The following OXCT1 variants were observed in gnomAD, a reference collection of about 807,000 sequenced individuals.
The protein encoded by OXCT1 is 3-oxoacid CoA-transferase 1.
OXCT1 carries 27 observed loss-of-function variants against 69.6 expected under a neutral mutation model. The ratio of observed to expected loss-of-function variants is 0.39; its 90% confidence interval spans 0.29 to 0.54. The LOEUF (loss-of-function observed/expected upper bound fraction) is 0.54, where lower values mean the gene tolerates loss of function less well. Ranked by LOEUF, OXCT1 falls within the 20% of genes least tolerant of loss-of-function variation. The probability of loss-of-function intolerance (pLI) is 0.72; values close to 1 mark genes in which losing one functional copy is unlikely to be tolerated. For synonymous variants in OXCT1, 202 were observed against 217.8 expected (o/e 0.93, Z 0.64); for missense variants, 437 against 650.2 (o/e 0.67, Z 3.57).
rs372476582 is a variant in OXCT1 at position 41,791,986 on chromosome 5, G to A, written c.1248+2017C>T. 5.5e-4 allele frequency among the ~76,000 whole-genome samples: 83 copies of A among 152,090 alleles called. 1 individual carries two copies. The highest frequency in any genetic ancestry group is 2.0e-3 in the African/African-American group (81 of 41,502). ...CCCGGCTAATTTTTTGTATTTTTTA[G>A]CAGAGACGAGGTTTCACCATGTTAG... On this transcript the variant is annotated intron_variant, in intron 13 of 16. Transcript: ENST00000196371.
chr5:41,784,942 C>T lies in OXCT1; in HGVS notation c.1248+9061G>A, dbSNP rs546979986. Reference sequence around the variant, plus strand: ...GTCAGTCTCTAAATATACCTTTAGTCTGAAAAATATTGGGTGTAAATAAGG... The same window carrying T: ...GTCAGTCTCTAAATATACCTTTAGTTTGAAAAATATTGGGTGTAAATAAGG... On this transcript the variant is annotated intron_variant, in intron 13 of 16. Coordinates refer to ENST00000196371, the MANE Select transcript of OXCT1 (RefSeq NM_000436.4). Among the ~76,000 whole-genome samples the T allele has an allele frequency of 2.0e-5, 3 of 152,216 alleles. No individual in the cohort carries two copies. In the South Asian group the frequency reaches 6.2e-4, roughly 32 times the overall value.
intron 11 of OXCT1, among the ~76,000 whole-genome samples, chr5:41,797,983 G>A (rs1746256582): frequency 6.6e-6 from 1 of 152,180 alleles, no homozygotes; most frequent in Admixed American, 6.5e-5. Flanking sequence ...TAGATATGTT[G>A]TGGGTTTAGG....
At chr5:41,845,420 T>G (rs768257752) in intron 5 of OXCT1, among the ~76,000 whole-genome samples, 2 of 152,160 alleles carry the variant, frequency 1.3e-5, no homozygotes, top group Non-Finnish European at 2.9e-5. Flanking sequence ...CATTATGCAT[T>G]TATTCATTCA....
At chr5:41,859,888 TAATA>T (rs1274270170) in intron 3 of OXCT1, among the ~76,000 whole-genome samples, 2 of 97,460 alleles carry the variant, frequency 2.1e-5, no homozygotes, top group African/African-American at 6.7e-5. Flanking sequence ...TATATATATG[TAATA>T]TATATATATA....
chr5:41,851,161 AATG>A (rs1308543821), intron 4 of OXCT1, among the ~76,000 whole-genome samples: 2 of 152,188 alleles, frequency 1.3e-5, no homozygotes, highest in East Asian at 3.8e-4. Flanking sequence ...TCATGGTATT[AATG>A]ATGATGTGTT....
Position 41,752,751 on chromosome 5 carries a change from A to T in OXCT1, c.1339-3144T>A, listed in dbSNP as rs933158237. Among the ~76,000 whole-genome samples, 5 of 151,948 alleles carry T rather than the reference A, an allele frequency of 3.3e-5. No homozygotes were observed. The East Asian group carries it at 9.7e-4, about 29-fold the overall frequency. ...AACAAAGAGAACTGGTCTCAAACAA[A>T]CAAACAAAAACAAACAAAAAAAACT... On this transcript the variant is annotated intron_variant, in intron 14 of 16. Transcript: ENST00000196371.
intron 7 of OXCT1, among the ~76,000 whole-genome samples, chr5:41,837,274 A>T (rs902878500): frequency 6.6e-6 from 1 of 151,724 alleles, no homozygotes; most frequent in African/African-American, 2.4e-5. Flanking sequence ...TTCAAAAGAA[A>T]GGAGATGAGC....
intron 13 of OXCT1, among the ~76,000 whole-genome samples, chr5:41,772,640 G>C (rs1033312053): frequency 6.6e-6 from 1 of 152,096 alleles, no homozygotes; most frequent in Non-Finnish European, 1.5e-5. Flanking sequence ...ATGTCCTCTG[G>C]ATTCAGTTGA....
chr5:41,788,975 A>T (rs1745786085), intron 13 of OXCT1, among the ~76,000 whole-genome samples: 1 of 152,232 alleles, frequency 6.6e-6, no homozygotes, highest in Non-Finnish European at 1.5e-5. Flanking sequence ...TTATGTGGAA[A>T]ATTACCAAAT....
At chr5:41,864,610 A>G (rs903123186) in intron 1 of OXCT1, among the ~76,000 whole-genome samples, 9 of 152,232 alleles carry the variant, frequency 5.9e-5, no homozygotes, top group Non-Finnish European at 1.0e-4. Flanking sequence ...AAAAGTGCAT[A>G]TATCTAATCC....
intron 13 of OXCT1, among the ~76,000 whole-genome samples, chr5:41,779,774 A>G (rs1412168788): frequency 6.6e-6 from 1 of 152,104 alleles, no homozygotes; most frequent in East Asian, 1.9e-4. Flanking sequence ...AGCAATGTAA[A>G]GAGTAACTCC....
intron 14 of OXCT1, among the ~76,000 whole-genome samples, chr5:41,761,124 T>C (rs528005942): frequency 6.6e-6 from 1 of 152,180 alleles, no homozygotes; most frequent in South Asian, 2.1e-4. Context: ...AAGCATTCAA[T>C]ATCAACTTTT....
chr5:41,743,012 T>G (rs2112015556), intron 15 of OXCT1, among the ~76,000 whole-genome samples: 1 of 152,314 alleles, frequency 6.6e-6, no homozygotes. Flanking sequence ...GATGGCTGGG[T>G]CAAATGGTAT....
At chr5:41,847,712 C>A (rs1235785942) in intron 5 of OXCT1, among the ~76,000 whole-genome samples, 2 of 151,998 alleles carry the variant, frequency 1.3e-5, no homozygotes, top group African/African-American at 4.8e-5. Flanking sequence ...CAGAAAAGAC[C>A]GTGACAAAAT....
chr5:41,772,302 A>G (rs1744905481), intron 13 of OXCT1, among the ~76,000 whole-genome samples: 1 of 152,058 alleles, frequency 6.6e-6, no homozygotes. Flanking sequence ...CTCTAAGAGC[A>G]CAATTAGACT....
intron 13 of OXCT1, among the ~76,000 whole-genome samples, chr5:41,789,643 A>C (rs1745818041): frequency 6.6e-6 from 1 of 152,354 alleles, no homozygotes; most frequent in Non-Finnish European, 1.5e-5. Context: ...TACACTAATA[A>C]GACAAAGGCA....
At chr5:41,858,456 C>A (rs1021671721) in intron 3 of OXCT1, among the ~76,000 whole-genome samples, 3 of 152,112 alleles carry the variant, frequency 2.0e-5, no homozygotes. Flanking sequence ...GCTGATAAGA[C>A]CTTCAAAAAG....
At chr5:41,753,150 A>T (rs1333941927) in intron 14 of OXCT1, among the ~76,000 whole-genome samples, 1 of 152,122 alleles carries the variant, frequency 6.6e-6, no homozygotes. Flanking sequence ...TTATCACAAC[A>T]GAATGATTTC....
chr5:41,736,061 A>G (rs1299819874), intron 16 of OXCT1, among the ~76,000 whole-genome samples: 1 of 152,226 alleles, frequency 6.6e-6, no homozygotes, highest in Non-Finnish European at 1.5e-5. Context: ...CCTGTATAAT[A>G]GTAATACTTT....
Sources: gnomAD v4.1 joint callset for allele counts (sites outside exome capture counted in the v4.1 genomes callset) on GRCh38, gnomAD v4.1.1 for gene constraint, MANE v1.5 for transcripts, NCBI Gene and HGNC (gene_info 2026-07-23, HGNC 2026-07-21) for gene names.